Variants in TBC1D21 observed in about 807,000 individuals in gnomAD.
TBC1D21 encodes the protein TBC1 domain family member 21, also known as male germ cell Rab GTPase-activating protein.
In TBC1D21, 38 loss-of-function variants were observed where a neutral mutation model predicts 46.0. The observed-to-expected ratio is 0.83, with a 90% CI of 0.64 to 1.08. TBC1D21 has a LOEUF of 1.08. TBC1D21 is among the 50% of genes least tolerant of loss of function. The pLI is 0.00. For missense variants in TBC1D21, 415 were observed against 417.9 expected (o/e 0.99, Z 0.06); for synonymous variants, 151 against 157.2 (o/e 0.96, Z 0.29).
In TBC1D21 at chr15:73,884,233, C is replaced by A. The variant is rs1567066715; in HGVS notation, c.355C>A (p.Arg119Ser). ...CCTGCACCGGAACTTCACAGAGACT[C>A]GCAATAACATTGGTGAGCAAAGTGG... ...ENLHRNFTET[R>S]NNIARDIQKI... is the part of the protein sequence containing the mutation. Residue 119 changes from arginine (R) to serine (S), a missense_variant, in exon 4 of 11, where the codon CGC becomes AGC. Coordinates refer to ENST00000300504, the MANE Select transcript of TBC1D21 (RefSeq NM_153356.3). 1 of 1,614,194 alleles carries A rather than the reference C, an allele frequency of 6.2e-7. No homozygotes were observed. Among genetic ancestry groups the A allele is most frequent in the Admixed American group, 1.7e-5 (1 of 60,032 alleles).
intron 9 of TBC1D21, among the ~76,000 whole-genome samples, chr15:73,888,210 C>T (rs1359377859): frequency 6.6e-6 from 1 of 152,252 alleles, no homozygotes; most frequent in Non-Finnish European, 1.5e-5. Context: ...AGCCCCAGGA[C>T]TCCTAGAGCC....
Position 73,886,508 on chromosome 15 carries a change from A to C in TBC1D21, c.677-4A>C. 2 of 1,613,328 alleles carry C rather than the reference A, an allele frequency of 1.2e-6. No individual in the cohort carries two copies. The highest frequency in any genetic ancestry group is 1.7e-6 in the Non-Finnish European group (2 of 1,179,726). ...GACCACAGCCTCACCTTCTCTCCCC[A>C]CAGAAGGGAAGGGTGCAGGGGCTGT... On this transcript the variant is annotated splice_polypyrimidine_tract_variant and splice_region_variant and intron_variant, in intron 7 of 10. Coordinates refer to ENST00000300504, the MANE Select transcript of TBC1D21 (RefSeq NM_153356.3).
chr15:73,886,303 C>T (rs2068245349), intron 7 of TBC1D21, 129 bp downstream of exon 7: 1 of 927,546 alleles, frequency 1.1e-6, no homozygotes, highest in South Asian at 1.6e-5. Context: ...CTTCTCCAGG[C>T]CCTGGGAAGA....
At chr15:73,881,850 T>C in intron 3 of TBC1D21, 103 bp downstream of exon 3, 4 of 1,052,646 alleles carry the variant, frequency 3.8e-6, no homozygotes, top group Non-Finnish European at 5.7e-6. Context: ...CAACTTCTTA[T>C]TCCGAGAGGA....
chr15:73,882,261 C>T (rs988138323), intron 3 of TBC1D21, among the ~76,000 whole-genome samples: 6 of 152,140 alleles, frequency 3.9e-5, no homozygotes, highest in African/African-American at 9.7e-5. Flanking sequence ...TAACTGGTAA[C>T]GTTTCAAATA....
the TBC1D21 span, among the ~76,000 whole-genome samples, chr15:73,896,646 G>T: frequency 6.6e-6 from 1 of 152,180 alleles, no homozygotes; most frequent in Non-Finnish European, 1.5e-5. Context: ...GGTCTGTTGT[G>T]TTGGGGAGAG....
chr15:73,874,342 T>C (rs1291694642), intron 1 of TBC1D21, among the ~76,000 whole-genome samples: 1 of 152,224 alleles, frequency 6.6e-6, no homozygotes, highest in Non-Finnish European at 1.5e-5. Context: ...TTATGGCAAA[T>C]TATCACCAGG....
chr15:73,885,496 G>A (rs922610925), intron 6 of TBC1D21, among the ~76,000 whole-genome samples: 1 of 152,114 alleles, frequency 6.6e-6, no homozygotes, highest in Non-Finnish European at 1.5e-5. Context: ...ATTCAGGGCT[G>A]TTCCCTTCAC....
Position 73,885,106 on chromosome 15 carries a change from G to A in TBC1D21, c.579+3G>A, listed in dbSNP as rs749726106. The A allele has an allele frequency of 5.0e-5, 80 of 1,611,162 alleles. No homozygotes were observed. Among genetic ancestry groups the A allele is most frequent in the Admixed American group, 8.3e-5 (5 of 59,986 alleles). The stretch of plus-strand genomic sequence containing the variant: ...TCCAGTTCTTCCTGCAGAAAACGGT[G>A]AGGGCAAGGCCTGAGCTCAGGGACG... On this transcript the variant is annotated splice_donor_region_variant and intron_variant, in intron 6 of 10. Transcript: ENST00000300504.
At chr15:73,897,991 T>G in the TBC1D21 span, among the ~76,000 whole-genome samples, 1 of 152,190 alleles carries the variant, frequency 6.6e-6, no homozygotes, top group Non-Finnish European at 1.5e-5. Flanking sequence ...ACATTCTCAG[T>G]GTAGTTCCGT....
At chr15:73,878,875 C>T (rs1259243932) in intron 1 of TBC1D21, among the ~76,000 whole-genome samples, 2 of 152,186 alleles carry the variant, frequency 1.3e-5, no homozygotes, top group African/African-American at 4.8e-5. Context: ...TGCCACATTG[C>T]ATGCTGAGTG....
chr15:73,897,149 C>A, the TBC1D21 span, among the ~76,000 whole-genome samples: 3 of 152,094 alleles, frequency 2.0e-5, no homozygotes, highest in Admixed American at 6.5e-5. Flanking sequence ...TGTCCTCACA[C>A]CTCTCTTTCC....
At chr15:73,904,335 G>C in the TBC1D21 span, among the ~76,000 whole-genome samples, 2 of 152,214 alleles carry the variant, frequency 1.3e-5, no homozygotes, top group Admixed American at 1.3e-4. Context: ...CATGCAGGAA[G>C]CCCCTTCTTG....
intron 1 of TBC1D21, among the ~76,000 whole-genome samples, chr15:73,875,806 G>A (rs1030978146): frequency 1.3e-5 from 2 of 152,160 alleles, no homozygotes; most frequent in Admixed American, 1.3e-4. Flanking sequence ...TCCCCTCCCG[G>A]ATTACCAGGT....
intron 6 of TBC1D21, among the ~76,000 whole-genome samples, chr15:73,885,405 C>T (rs1157453810): frequency 1.3e-5 from 2 of 152,172 alleles, no homozygotes; most frequent in East Asian, 1.9e-4. Flanking sequence ...TCCCCAAGCA[C>T]GGTTCTCCTC....
At chr15:73,880,136 C>G (rs979218213) in intron 1 of TBC1D21, among the ~76,000 whole-genome samples, 2 of 152,080 alleles carry the variant, frequency 1.3e-5, no homozygotes, top group Non-Finnish European at 2.9e-5. Context: ...CTCAAGTGAT[C>G]CACCTGCCTT....
At chr15:73,884,080 T>G in intron 3 of TBC1D21, 71 bp from the exon 4 acceptor site, 1 of 1,293,114 alleles carries the variant, frequency 7.7e-7, no homozygotes, top group South Asian at 1.2e-5. Context: ...GCCTGGTAGC[T>G]GCAGCTGCTC....
At position 73,881,447 on chromosome 15, in the gene TBC1D21, G is replaced by A; in HGVS notation, c.109G>A (p.Asp37Asn). Residue 37 changes from aspartate to asparagine, a missense_variant, in exon 2 of 11, where the codon GAT becomes AAT. Asp to Asn is a conservative substitution (Grantham distance 23). Coordinates refer to ENST00000300504, the MANE Select transcript of TBC1D21 (RefSeq NM_153356.3). Reference protein sequence around the residue: ...IDKTEWDSFFDESGHLAKSRD... With the variant: ...IDKTEWDSFFNESGHLAKSRD... ...CAAGACAGAATGGGACAGCTTCTTTGATGAGAGTGGCCACTTGGCCAAATC... is the reference window on the plus strand; with the variant it reads ...CAAGACAGAATGGGACAGCTTCTTTAATGAGAGTGGCCACTTGGCCAAATC... The A allele has an allele frequency of 6.2e-7, 1 of 1,614,228 alleles. No individual in the cohort carries two copies. The highest frequency in any genetic ancestry group is 2.2e-5 in the East Asian group (1 of 44,884).
At chr15:73,879,026 C>G (rs1005664783) in intron 1 of TBC1D21, among the ~76,000 whole-genome samples, 21 of 152,266 alleles carry the variant, frequency 1.4e-4, no homozygotes, top group South Asian at 4.2e-4. Flanking sequence ...AGGCCCACAC[C>G]GAGATTTGTA....
Sources: allele counts gnomAD v4.1 joint callset (sites outside exome capture counted in the v4.1 genomes callset), GRCh38; gene constraint gnomAD v4.1.1; transcripts MANE v1.5; gene names NCBI Gene and HGNC (gene_info 2026-07-23, HGNC 2026-07-21).